NFATC2: variants seen among roughly 807,000 people sequenced by gnomAD.
NFATC2 encodes nuclear factor of activated T-cells, cytoplasmic 2.
NFATC2 carries 22 observed loss-of-function variants against 87.3 expected under a neutral mutation model. The ratio of observed to expected loss-of-function variants is 0.25; its 90% CI spans 0.18 to 0.36. NFATC2 has a LOEUF of 0.36. Ranked by LOEUF, NFATC2 falls within the 10% of genes least tolerant of loss-of-function variation. The pLI, the probability that NFATC2 is intolerant of heterozygous loss-of-function variation, is 1.00. For synonymous variants in NFATC2, 565 were observed against 542.2 expected, an observed-to-expected ratio of 1.04 and a Z score of -0.58; for missense variants, 1,149 against 1,259.1, an observed-to-expected ratio of 0.91 and a Z score of 1.32.
At chr20:51,487,516 C>T (rs1188045730) in intron 3 of NFATC2, among the ~76,000 whole-genome samples, 1 of 152,180 alleles carries the variant, frequency 6.6e-6, no homozygotes, top group African/African-American at 2.4e-5. Context: ...AAAACAAAAA[C>T]ATTCCCAGGA....
intron 9 of NFATC2, among the ~76,000 whole-genome samples, chr20:51,401,187 T>TGGTGAAACCCCGTCTCTAC (rs1275223927): frequency 4.6e-5 from 7 of 152,080 alleles, no homozygotes; most frequent in Non-Finnish European, 7.4e-5. Flanking sequence ...CCGGCCAATA[T>TGGTGAAACCCCGTCTCTAC]GGTGAAACCC....
In NFATC2 at chr20:51,402,981, A is replaced by ATCAT. The variant is rs537225932; in HGVS notation, c.2723-4255_2723-4252dup. On this transcript the variant is annotated intron_variant, in intron 9 of 10. Coordinates refer to ENST00000371564, the MANE Select transcript of NFATC2 (RefSeq NM_012340.5). ...GCCCTCCCATAAGTTCACCTTCCAG[A>ATCAT]TCATTCTATGTTTACCCACATATGC... Among the ~76,000 whole-genome samples the ATCAT allele has an allele frequency of 2.8e-4, 43 of 152,270 alleles. No homozygotes were observed. The South Asian group carries it at 8.9e-3, about 32-fold the overall frequency.
chr20:51,439,729 GTGCTC>G (rs1300174481), intron 6 of NFATC2, among the ~76,000 whole-genome samples: 4 of 152,134 alleles, frequency 2.6e-5, no homozygotes, highest in Non-Finnish European at 5.9e-5. Flanking sequence ...TGTCACCCCA[GTGCTC>G]TGCCATTTTA....
At chr20:51,401,747 A>G (rs1487253554) in intron 9 of NFATC2, among the ~76,000 whole-genome samples, 3 of 152,234 alleles carry the variant, frequency 2.0e-5, no homozygotes, top group Non-Finnish European at 2.9e-5. Context: ...TAAACTGGTG[A>G]GTCATCCCAC....
At chr20:51,505,180 A>AT (rs1017702646) in intron 3 of NFATC2, among the ~76,000 whole-genome samples, 1 of 150,818 alleles carries the variant, frequency 6.6e-6, no homozygotes, top group African/African-American at 2.4e-5. Flanking sequence ...TGCCTGGCTA[A>AT]TTTTTTTGTA....
chr20:51,464,633 A>G (rs1354921436), intron 5 of NFATC2, among the ~76,000 whole-genome samples: 11 of 130,060 alleles, frequency 8.5e-5, no homozygotes, highest in Non-Finnish European at 1.3e-4. Flanking sequence ...TTACCACTAC[A>G]GGATCTTGAA....
intron 9 of NFATC2, among the ~76,000 whole-genome samples, chr20:51,410,521 C>T (rs1428618121): frequency 6.9e-6 from 1 of 145,542 alleles, no homozygotes; most frequent in Non-Finnish European, 1.5e-5. Flanking sequence ...TTAATAAAAG[C>T]AATTTATTAT....
intron 8 of NFATC2, 72 bp downstream of exon 8, chr20:51,435,116 A>G (rs1191899378): frequency 1.3e-6 from 2 of 1,572,454 alleles, no homozygotes; most frequent in East Asian, 4.5e-5. Context: ...CTAGGAGCAG[A>G]CTTCAGGAGT....
chr20:51,450,274 G>T (rs1985608178), intron 6 of NFATC2, among the ~76,000 whole-genome samples: 2 of 152,202 alleles, frequency 1.3e-5, no homozygotes. Context: ...GTGGGTTACA[G>T]CCCCCCAGAT....
At chr20:51,510,787 G>C (rs190900867) in intron 3 of NFATC2, among the ~76,000 whole-genome samples, 2 of 152,220 alleles carry the variant, frequency 1.3e-5, no homozygotes, top group Admixed American at 6.5e-5. Context: ...ACACTCACCT[G>C]AGATTTAGGG....
At chr20:51,415,421 TCTGGATGGAC>T (rs1979910830) in intron 9 of NFATC2, among the ~76,000 whole-genome samples, 1 of 152,080 alleles carries the variant, frequency 6.6e-6, no homozygotes, top group Non-Finnish European at 1.5e-5. Context: ...GCAGCAGGTA[TCTGGATGGAC>T]CCGGCTTCCT....
rs1986208028 is a variant in NFATC2, at chr20:51,454,680, A to G, written c.1717T>C (p.Ser573Pro). The change falls in exon 6 of 11, where the codon TCT becomes CCT. Residue 573 changes from serine to proline, a missense_variant. Physicochemically the swap from Ser to Pro is moderately conservative, Grantham distance 74. Transcript: ENST00000371564. ...ASNPIECSQR[S>P]AHELPMVERQ... is the part of the protein sequence containing the mutation. ...TCAACCATGGGCAGCTCGTGAGCAG[A>G]TCGCTGGGCTGCAGGCAAAAGAGAG... The G allele has an allele frequency of 6.2e-7, 1 of 1,613,816 alleles. No individual in the cohort carries two copies. The highest frequency in any genetic ancestry group is 8.5e-7 in the Non-Finnish European group (1 of 1,179,980).
intron 3 of NFATC2, among the ~76,000 whole-genome samples, chr20:51,510,333 G>A (rs1306138424): frequency 1.3e-5 from 2 of 152,176 alleles, no homozygotes; most frequent in African/African-American, 2.4e-5. Flanking sequence ...GATATTATTA[G>A]ACCTCATAAG....
Position 51,524,342 on chromosome 20 carries a change from G to A in NFATC2, c.131-232C>T, listed in dbSNP as rs932099054. ...AGAATGAGTTCTGGAAGACCCCTGG[G>A]CTAAGGGCCTCGAAACTTGGCTTTA... On this transcript the variant is annotated intron_variant, in intron 1 of 10. Transcript: ENST00000371564. This position sits in a 1 kb window ranked among gnomAD's most constrained non-coding sequence, Gnocchi z 4.0. Among the ~76,000 whole-genome samples the A allele has an allele frequency of 6.6e-6, 1 of 152,160 alleles. No individual in the cohort carries two copies. The highest frequency in any genetic ancestry group is 2.4e-5 in the African/African-American group (1 of 41,426).
chr20:51,465,755 G>C (rs1987618979), intron 5 of NFATC2, among the ~76,000 whole-genome samples: 2 of 151,944 alleles, frequency 1.3e-5, no homozygotes, highest in Non-Finnish European at 2.9e-5. Context: ...CGTGGTCCTT[G>C]TTATTTTCAT....
At chr20:51,501,726 T>C (rs1428078740) in intron 3 of NFATC2, among the ~76,000 whole-genome samples, 1 of 152,228 alleles carries the variant, frequency 6.6e-6, no homozygotes, top group East Asian at 1.9e-4. Context: ...ATTACTGATT[T>C]GTTATAGGTC....
intron 3 of NFATC2, among the ~76,000 whole-genome samples, chr20:51,502,525 A>G (rs2076106282): frequency 6.6e-6 from 1 of 152,072 alleles, no homozygotes; most frequent in Admixed American, 6.6e-5. Context: ...GGTAGAGACA[A>G]GGGTCTGGTA....
intron 5 of NFATC2, among the ~76,000 whole-genome samples, chr20:51,457,848 G>C (rs1315444211): frequency 6.6e-6 from 1 of 150,978 alleles, no homozygotes; most frequent in Non-Finnish European, 1.5e-5. Flanking sequence ...GAATGGGAAT[G>C]GGAAGTTAAA....
rs1989834984 is a variant in NFATC2, at chr20:51,487,714, T to C, written c.1333-12054A>G. ...GCCATGGCATAAAAAAGGTGAGTTA[T>C]TCCCAATCGAATGACACCTCCGCCC... is the stretch of plus-strand genomic sequence containing the variant. On this transcript the variant is annotated intron_variant, in intron 3 of 10. Transcript: ENST00000371564. 3.3e-5 allele frequency among the ~76,000 whole-genome samples: 5 copies of C among 152,074 alleles called. 1 individual carries two copies. The South Asian group carries it at 1.0e-3, about 32-fold the overall frequency.
Sources: allele counts gnomAD v4.1 joint callset (sites outside exome capture counted in the v4.1 genomes callset), GRCh38; gene constraint gnomAD v4.1.1; non-coding constraint Gnocchi (gnomAD v3.1); transcripts MANE v1.5; gene names NCBI Gene and HGNC (gene_info 2026-07-23, HGNC 2026-07-21).